Variants in VMP1 observed in about 807,000 individuals in gnomAD.
VMP1 encodes the protein ectopic P-granules autophagy protein 3 homolog.
Under a neutral mutation model 56.0 loss-of-function variants are expected in VMP1, and 11 were observed. The observed-to-expected ratio is 0.20, with a 90% CI of 0.12 to 0.32. VMP1 has a LOEUF of 0.32. Among genes scored for constraint, VMP1 ranks in the 10% least tolerant of loss-of-function variants. The pLI, the probability that VMP1 is intolerant of heterozygous loss-of-function variation, is 1.00. For synonymous variants in VMP1, 149 were observed against 165.0 expected, an observed-to-expected ratio of 0.90 and a Z score of 0.74; for missense variants, 296 against 490.3, an observed-to-expected ratio of 0.60 and a Z score of 3.74.
intron 5 of VMP1, among the ~76,000 whole-genome samples, chr17:59,756,895 A>G (rs2035860573): frequency 6.6e-6 from 1 of 152,190 alleles, no homozygotes; most frequent in African/African-American, 2.4e-5. Flanking sequence ...TCTTGATGAA[A>G]CATAGACATG....
At chr17:59,762,092 T>TA (rs1292360865) in intron 5 of VMP1, among the ~76,000 whole-genome samples, 1 of 152,196 alleles carries the variant, frequency 6.6e-6, no homozygotes, top group African/African-American at 2.4e-5. Context: ...GTACAATGTC[T>TA]AAAAAGAATT....
chr17:59,709,931 T>C (rs1368884804), intron 1 of VMP1, among the ~76,000 whole-genome samples: 6 of 151,974 alleles, frequency 3.9e-5, no homozygotes, highest in Non-Finnish European at 7.4e-5. Flanking sequence ...GGCGCGGTGG[T>C]TCACGCTTGT....
At chr17:59,825,350 G>A (rs1425058482) in intron 10 of VMP1, among the ~76,000 whole-genome samples, 4 of 151,870 alleles carry the variant, frequency 2.6e-5, no homozygotes, top group African/African-American at 4.8e-5. Context: ...GGGATTACAG[G>A]CATAAGCCAC....
intron 4 of VMP1, 118 bp from the exon 5 acceptor site, chr17:59,738,719 C>T: frequency 1.4e-6 from 1 of 718,792 alleles, no homozygotes; most frequent in Non-Finnish European, 2.3e-6. Flanking sequence ...GGTTTTTAAT[C>T]TTATTAGTTT....
chr17:59,839,684 C>CTTCAAGCATTATAGATGATCCTCT, intron 11 of VMP1, 84 bp from the exon 12 acceptor site: 1 of 1,491,512 alleles, frequency 6.7e-7, no homozygotes, highest in East Asian at 2.4e-5. Flanking sequence ...AAGTTACACA[C>CTTCAAGCATTATAGATGATCCTCT]TTCAAGCATT....
Position 59,773,877 on chromosome 17 carries a change from T to A in VMP1, c.706T>A (p.Ser236Thr), listed in dbSNP as rs1196996772. ...EFEEMLEHAE[S>T]AQDFASRAKL... ...TGAAGAGATGCTGGAACATGCAGAG[T>A]CTGCACAAGTAAGAACAGTGGGGAT... is the stretch of plus-strand genomic sequence containing the variant. Residue 236 changes from serine (S) to threonine (T), a missense_variant, in exon 7 of 12, where the codon TCT becomes ACT. Coordinates refer to ENST00000262291, the MANE Select transcript of VMP1 (RefSeq NM_030938.5). 6.2e-7 allele frequency: 1 copy of A among 1,610,984 alleles called. No individual in the cohort carries two copies.
At chr17:59,784,136 T>TGAGAGAGAGA (rs1182813441) in intron 7 of VMP1, among the ~76,000 whole-genome samples, 5 of 136,248 alleles carry the variant, frequency 3.7e-5, no homozygotes, top group African/African-American at 1.6e-4. Flanking sequence ...TGTGTGTGTG[T>TGAGAGAGAGA]GTGTGTGAGA....
chr17:59,797,089 T>A (rs2037461475), intron 7 of VMP1, among the ~76,000 whole-genome samples: 1 of 151,900 alleles, frequency 6.6e-6, no homozygotes, highest in Non-Finnish European at 1.5e-5. Context: ...ATCCTACCAC[T>A]TTGGGAGAGC....
intron 5 of VMP1, among the ~76,000 whole-genome samples, chr17:59,758,429 C>G (rs117972420): frequency 6.6e-6 from 1 of 152,136 alleles, no homozygotes; most frequent in Non-Finnish European, 1.5e-5. Context: ...TGGCTCACCT[C>G]TAATCCCAGT....
At chr17:59,736,231 C>T (rs942127658) in intron 3 of VMP1, among the ~76,000 whole-genome samples, 1 of 151,650 alleles carries the variant, frequency 6.6e-6, no homozygotes, top group Non-Finnish European at 1.5e-5. Context: ...GGTGAAACCC[C>T]GTCTCTACTA....
intron 10 of VMP1, among the ~76,000 whole-genome samples, chr17:59,818,668 G>A (rs1241577033): frequency 1.3e-5 from 2 of 152,046 alleles, no homozygotes; most frequent in Admixed American, 1.3e-4. Context: ...TACGAGGGAG[G>A]CGGAGGTTGC....
At chr17:59,782,808 A>G (rs549686549) in intron 7 of VMP1, among the ~76,000 whole-genome samples, 14 of 152,320 alleles carry the variant, frequency 9.2e-5, no homozygotes, top group African/African-American at 2.6e-4. Context: ...TAAGTTTATC[A>G]GCCAAAAAAG....
chr17:59,817,820 TGG>T, intron 10 of VMP1, 47 bp downstream of exon 10: 1 of 1,404,096 alleles, frequency 7.1e-7, no homozygotes, highest in African/African-American at 1.4e-5. Context: ...ACTCTTTAAA[TGG>T]GAGTAAATGT....
At position 59,841,911 on chromosome 17, in the gene VMP1, T is replaced by C. The variant is rs1299660582; in HGVS notation, c.*2000T>C. On this transcript the variant is annotated 3_prime_UTR_variant, in exon 12 of 12. Transcript: ENST00000262291. ...AATTTTGTTTCCTAGGTTGAAGGTCTAATTGATACGTTTGACTTATGATGA... is the reference window on the plus strand; with the variant it reads ...AATTTTGTTTCCTAGGTTGAAGGTCCAATTGATACGTTTGACTTATGATGA... The C allele has an allele frequency of 6.6e-6, 1 of 152,252 alleles. No homozygotes were observed. The highest frequency in any genetic ancestry group is 2.4e-5 in the African/African-American group (1 of 41,466). 9.4% of individuals were successfully genotyped at this position (152,252 alleles called of 1,614,324 possible).
chr17:59,744,232 G>A (rs113917255), intron 5 of VMP1, among the ~76,000 whole-genome samples: 96 of 151,350 alleles, frequency 6.3e-4, no homozygotes, highest in African/African-American at 2.2e-3. Flanking sequence ...AGGCCGAGGC[G>A]GGTGGATCAC....
At chr17:59,768,082 C>G (rs977940592) in intron 6 of VMP1, among the ~76,000 whole-genome samples, 2 of 151,546 alleles carry the variant, frequency 1.3e-5, no homozygotes, top group Non-Finnish European at 2.9e-5. Context: ...TGCACTTCAG[C>G]CTGTGCAACA....
chr17:59,814,911 C>A (rs2038173722), intron 9 of VMP1, among the ~76,000 whole-genome samples: 1 of 152,082 alleles, frequency 6.6e-6, no homozygotes, highest in Non-Finnish European at 1.5e-5. Context: ...CTTAGGGTAA[C>A]AAACATTTCT....
chr17:59,825,682 A>G (rs929931817), intron 10 of VMP1, among the ~76,000 whole-genome samples: 1 of 152,216 alleles, frequency 6.6e-6, no homozygotes, highest in African/African-American at 2.4e-5. Context: ...CAATCATTGA[A>G]CTTGAGGGCT....
At chr17:59,741,131 G>A (rs2035211704) in intron 5 of VMP1, among the ~76,000 whole-genome samples, 1 of 152,110 alleles carries the variant, frequency 6.6e-6, no homozygotes, top group Non-Finnish European at 1.5e-5. Flanking sequence ...AGGAGATAGG[G>A]GCTGCAGTGA....
Sources: allele counts gnomAD v4.1 joint callset (sites outside exome capture counted in the v4.1 genomes callset), GRCh38; gene constraint gnomAD v4.1.1; transcripts MANE v1.5; gene names NCBI Gene and HGNC (gene_info 2026-07-23, HGNC 2026-07-21).